Variants in BAIAP2L1 observed in about 807,000 individuals in gnomAD.
The protein encoded by BAIAP2L1 is BAR/IMD domain containing adaptor protein 2 like 1.
Under a neutral mutation model 66.3 loss-of-function variants are expected in BAIAP2L1, and 35 were observed. That is an observed-to-expected ratio of 0.53 (90% CI 0.40 to 0.70). The LOEUF (loss-of-function observed/expected upper bound fraction) is 0.70, where lower values mean the gene tolerates loss of function less well. Ranked by LOEUF, BAIAP2L1 falls within the 30% of genes least tolerant of loss-of-function variation. BAIAP2L1 has a pLI of 0.00. For synonymous variants in BAIAP2L1, 269 were observed against 248.7 expected (o/e 1.08, Z -0.77); for missense variants, 622 against 656.9 (o/e 0.95, Z 0.58).
intron 12 of BAIAP2L1, among the ~76,000 whole-genome samples, chr7:98,298,813 G>A (rs188944851): frequency 6.6e-6 from 1 of 152,206 alleles, no homozygotes; most frequent in Non-Finnish European, 1.5e-5. Flanking sequence ...CCTCAAGGGT[G>A]CCAGAGGCCC....
intron 3 of BAIAP2L1, among the ~76,000 whole-genome samples, chr7:98,349,605 G>T (rs935673411): frequency 9.2e-5 from 14 of 152,028 alleles, no homozygotes; most frequent in Admixed American, 6.6e-5. Flanking sequence ...GGGTGCAGTG[G>T]TTCACACCTG....
intron 8 of BAIAP2L1, among the ~76,000 whole-genome samples, chr7:98,311,796 C>T (rs142062627): frequency 2.9e-3 from 437 of 152,146 alleles, no homozygotes; most frequent in South Asian, 6.8e-3. Flanking sequence ...ATCCCAGCTA[C>T]TGAGGAGGCT....
At chr7:98,343,254 C>CACAG (rs2115643210) in intron 3 of BAIAP2L1, among the ~76,000 whole-genome samples, 1 of 130,892 alleles carries the variant, frequency 7.6e-6, no homozygotes, top group African/African-American at 2.6e-5. Flanking sequence ...AAAATACACA[C>CACAG]ACACACACAC....
At chr7:98,372,304 G>C (rs1159628659) in intron 1 of BAIAP2L1, among the ~76,000 whole-genome samples, 1 of 152,040 alleles carries the variant, frequency 6.6e-6, no homozygotes, top group Non-Finnish European at 1.5e-5. Context: ...TACTCAGCAG[G>C]CTGAGGCAGG....
intron 3 of BAIAP2L1, among the ~76,000 whole-genome samples, chr7:98,336,419 G>C (rs1801618605): frequency 6.6e-6 from 1 of 152,190 alleles, no homozygotes; most frequent in African/African-American, 2.4e-5. Flanking sequence ...TTCGAGACCA[G>C]CCTGGCCAAC....
At chr7:98,330,520 G>GGTGGCGCACGCCT (rs1801470866) in intron 3 of BAIAP2L1, among the ~76,000 whole-genome samples, 1 of 152,088 alleles carries the variant, frequency 6.6e-6, no homozygotes, top group Non-Finnish European at 1.5e-5. Context: ...AGCCGGGCGT[G>GGTGGCGCACGCCT]GTGGCGCACG....
intron 2 of BAIAP2L1, among the ~76,000 whole-genome samples, chr7:98,357,020 A>AAAATATATAT (rs1554337328): frequency 3.6e-5 from 1 of 28,098 alleles, no homozygotes; most frequent in African/African-American, 2.3e-4. Flanking sequence ...AAAAAAAAAA[A>AAAATATATAT]ATATATATAT....
intron 1 of BAIAP2L1, among the ~76,000 whole-genome samples, chr7:98,365,197 A>C (rs1291754218): frequency 6.6e-6 from 1 of 151,684 alleles, no homozygotes; most frequent in East Asian, 1.9e-4. Flanking sequence ...ATTTTACCGG[A>C]CACTCAGTGG....
At chr7:98,309,795 A>G (rs1332303491) in intron 9 of BAIAP2L1, 1 of 151,512 alleles carries the variant, frequency 6.6e-6, no homozygotes, top group Non-Finnish European at 1.5e-5. Context: ...CTGGGTGCTA[A>G]AGACTGTGCA....
chr7:98,378,152 A>G (rs1031920601), intron 1 of BAIAP2L1, among the ~76,000 whole-genome samples: 11 of 152,112 alleles, frequency 7.2e-5, no homozygotes, highest in Non-Finnish European at 1.0e-4. Flanking sequence ...CTGTCTCTCA[A>G]AAAACAAAAA....
At chr7:98,341,286 G>A (rs1801736539) in intron 3 of BAIAP2L1, among the ~76,000 whole-genome samples, 1 of 152,138 alleles carries the variant, frequency 6.6e-6, no homozygotes. Flanking sequence ...TACTCACATG[G>A]TTAGTCAGCA....
intron 9 of BAIAP2L1, chr7:98,308,568 G>A (rs546435047): frequency 6.0e-6 from 2 of 335,568 alleles, no homozygotes; most frequent in African/African-American, 4.3e-5. Flanking sequence ...GGGCAGGTTT[G>A]TCCCATACTC....
intron 3 of BAIAP2L1, among the ~76,000 whole-genome samples, chr7:98,335,607 C>CA (rs892291526): frequency 3.9e-5 from 6 of 152,224 alleles, no homozygotes; most frequent in African/African-American, 1.2e-4. Context: ...CTGATACACT[C>CA]ATTCAGTCAA....
At chr7:98,347,281 T>C (rs540321130) in intron 3 of BAIAP2L1, among the ~76,000 whole-genome samples, 1 of 152,318 alleles carries the variant, frequency 6.6e-6, no homozygotes, top group South Asian at 2.1e-4. Context: ...ATATTAGTTT[T>C]ACTATTTTTT....
intron 1 of BAIAP2L1, among the ~76,000 whole-genome samples, chr7:98,363,339 T>C (rs980026105): frequency 3.3e-5 from 5 of 152,100 alleles, no homozygotes; most frequent in Admixed American, 6.6e-5. Context: ...CCTGCCTCCC[T>C]GGCATTTTCC....
intron 9 of BAIAP2L1, chr7:98,308,405 G>T: frequency 2.5e-6 from 1 of 404,518 alleles, no homozygotes. Flanking sequence ...AGGTGAGGAT[G>T]AGTTCCATTT....
intron 1 of BAIAP2L1, among the ~76,000 whole-genome samples, chr7:98,383,476 G>A (rs1476501139): frequency 2.6e-5 from 4 of 151,660 alleles, no homozygotes; most frequent in Non-Finnish European, 5.9e-5. Flanking sequence ...TAGTAGAGAC[G>A]GGGTTTCTCC....
intron 1 of BAIAP2L1, among the ~76,000 whole-genome samples, chr7:98,398,634 G>A (rs1205118422): frequency 1.3e-5 from 2 of 152,092 alleles, no homozygotes; most frequent in Non-Finnish European, 2.9e-5. Flanking sequence ...CTACAAATAC[G>A]TATAACCAAA....
chr7:98,395,113 AAAAACAAAAC>A (rs1011228513), intron 1 of BAIAP2L1, among the ~76,000 whole-genome samples: 1 of 151,878 alleles, frequency 6.6e-6, no homozygotes, highest in Admixed American at 6.6e-5. Context: ...TCCGTCTCAA[AAAAACAAAAC>A]AAAACAAAAC....
Sources: gnomAD v4.1 joint callset for allele counts (sites outside exome capture counted in the v4.1 genomes callset) on GRCh38, gnomAD v4.1.1 for gene constraint, MANE v1.5 for transcripts, NCBI Gene and HGNC (gene_info 2026-07-23, HGNC 2026-07-21) for gene names.